CSTPP1: variants seen among roughly 807,000 people sequenced by gnomAD.
CSTPP1 encodes the protein UPF0705 protein C11orf49.
the CSTPP1 span, among the ~76,000 whole-genome samples, chr11:47,122,091 A>AAAAAAAAAAAATATATATAT: frequency 3.1e-5 from 1 of 31,834 alleles, no homozygotes; most frequent in African/African-American, 9.7e-5. Flanking sequence ...AAAAAAAAAA[A>AAAAAAAAAAAATATATATAT]ATATATATAT....
chr11:46,963,516 A>G, the CSTPP1 span, among the ~76,000 whole-genome samples: 1 of 152,042 alleles, frequency 6.6e-6, no homozygotes. Flanking sequence ...AAGAGATTTT[A>G]AAAAAGATAT....
chr11:46,986,303 A>G, the CSTPP1 span, among the ~76,000 whole-genome samples: 1 of 152,194 alleles, frequency 6.6e-6, no homozygotes, highest in Non-Finnish European at 1.5e-5. Flanking sequence ...ACAAATGCAG[A>G]AAACATGACA....
At chr11:46,984,866 C>T in the CSTPP1 span, among the ~76,000 whole-genome samples, 1 of 152,044 alleles carries the variant, frequency 6.6e-6, no homozygotes, top group Non-Finnish European at 1.5e-5. Context: ...GGAAGGAGAA[C>T]ACAGAGGTGA....
chr11:47,144,605 C>T, the CSTPP1 span, among the ~76,000 whole-genome samples: 1 of 152,170 alleles, frequency 6.6e-6, no homozygotes, highest in Non-Finnish European at 1.5e-5. Flanking sequence ...TTTTGCACTT[C>T]ACAGCAATCA....
At chr11:47,012,980 T>C in the CSTPP1 span, among the ~76,000 whole-genome samples, 41 of 140,204 alleles carry the variant, frequency 2.9e-4, no homozygotes, top group South Asian at 6.9e-4. Flanking sequence ...GCTGTATTGG[T>C]GCGAGACAGA....
chr11:46,976,276 C>A, the CSTPP1 span, among the ~76,000 whole-genome samples: 9 of 152,064 alleles, frequency 5.9e-5, no homozygotes, highest in Non-Finnish European at 1.2e-4. Context: ...GCCACTTGCT[C>A]TTAAAAATGA....
At chr11:47,142,231 G>C in the CSTPP1 span, among the ~76,000 whole-genome samples, 4 of 124,906 alleles carry the variant, frequency 3.2e-5, no homozygotes, top group African/African-American at 1.2e-4. Context: ...GACAGAGTGA[G>C]ACTCCATCTC....
the CSTPP1 span, chr11:46,991,441 A>G: frequency 6.6e-6 from 1 of 152,210 alleles, no homozygotes; most frequent in Non-Finnish European, 1.5e-5. Context: ...AGGAGGATGA[A>G]GTAGAGAAAG....
chr11:46,953,880 G>A, the CSTPP1 span, among the ~76,000 whole-genome samples: 1 of 152,202 alleles, frequency 6.6e-6, no homozygotes, highest in East Asian at 1.9e-4. Flanking sequence ...TAGAAATGGA[G>A]CTAGAAATTG....
At chr11:47,106,534 A>C in the CSTPP1 span, among the ~76,000 whole-genome samples, 4 of 152,148 alleles carry the variant, frequency 2.6e-5, no homozygotes, top group South Asian at 4.2e-4. Context: ...TCCCAGGTAC[A>C]CGGGAAGCTG....
the CSTPP1 span, among the ~76,000 whole-genome samples, chr11:47,071,164 C>G: frequency 2.0e-5 from 3 of 152,198 alleles, no homozygotes; most frequent in African/African-American, 7.2e-5. Flanking sequence ...TACATAGTCT[C>G]TTTCATAAAA....
At chr11:46,968,793 G>A in the CSTPP1 span, among the ~76,000 whole-genome samples, 1 of 152,010 alleles carries the variant, frequency 6.6e-6, no homozygotes, top group Non-Finnish European at 1.5e-5. Flanking sequence ...CAGCTACTCA[G>A]GAGGCTGAGG....
chr11:47,033,144 C>T, the CSTPP1 span, among the ~76,000 whole-genome samples: 233 of 152,120 alleles, frequency 1.5e-3, 1 homozygote, highest in African/African-American at 5.2e-3. Context: ...CTGTCTTAAG[C>T]GTGGCAGGGA....
At chr11:47,098,699 A>T in the CSTPP1 span, among the ~76,000 whole-genome samples, 1 of 151,814 alleles carries the variant, frequency 6.6e-6, no homozygotes, top group Non-Finnish European at 1.5e-5. Context: ...ATGAGGTTTC[A>T]CCATATTGGC....
chr11:47,156,952 T>C, the CSTPP1 span: 12 of 1,518,074 alleles, frequency 7.9e-6, no homozygotes. Context: ...AGGGAAGACA[T>C]AGTGAACAGA....
the CSTPP1 span, chr11:47,160,819 GGAACTC>G: frequency 5.0e-6 from 2 of 403,950 alleles, no homozygotes; most frequent in East Asian, 5.0e-5. Flanking sequence ...GCCTCAAGAA[GGAACTC>G]AACTCCCAGC....
At chr11:47,156,986 G>C in the CSTPP1 span, 2 of 1,608,506 alleles carry the variant, frequency 1.2e-6, no homozygotes, top group Non-Finnish European at 1.7e-6. Context: ...CCCTGCCTGA[G>C]CCGTCCACAC....
the CSTPP1 span, among the ~76,000 whole-genome samples, chr11:46,960,302 T>A: frequency 1.3e-5 from 2 of 152,190 alleles, no homozygotes; most frequent in South Asian, 4.1e-4. Flanking sequence ...GACGCCACAA[T>A]GCCTGGCATT....
At chr11:47,143,847 T>C in the CSTPP1 span, among the ~76,000 whole-genome samples, 97 of 152,258 alleles carry the variant, frequency 6.4e-4, 1 homozygote, top group Admixed American at 5.3e-3. Flanking sequence ...ACTTGTAAAA[T>C]GGGAATAATA....
Sources: allele counts gnomAD v4.1 joint callset (sites outside exome capture counted in the v4.1 genomes callset), GRCh38; gene constraint gnomAD v4.1.1; transcripts MANE v1.5; gene names NCBI Gene and HGNC (gene_info 2026-07-23, HGNC 2026-07-21).